SYF2: variants seen among roughly 807,000 people sequenced by gnomAD.
SYF2 encodes pre-mRNA-splicing factor SYF2.
Under a neutral mutation model 32.7 loss-of-function variants are expected in SYF2, and 21 were observed. That is an observed-to-expected ratio of 0.64 (90% confidence interval 0.45 to 0.92). SYF2 has a LOEUF of 0.92. SYF2 is among the 40% of genes least tolerant of loss of function. The pLI is 0.00. For synonymous variants in SYF2, 114 were observed against 103.9 expected, an observed-to-expected ratio of 1.10 and a Z score of -0.59; for missense variants, 278 against 296.5, an observed-to-expected ratio of 0.94 and a Z score of 0.46.
At chr1:25,232,301 G>A (rs1638650325) in intron 1 of SYF2, 90 bp from the exon 2 acceptor site, 1 of 1,581,244 alleles carries the variant, frequency 6.3e-7, no homozygotes, top group Non-Finnish European at 8.6e-7. Flanking sequence ...CCACAGGCTG[G>A]GCCTAGGGCC....
rs1039697503 is a variant in SYF2, at chr1:25,222,600, G to T, written c.*666C>A. On this transcript the variant is annotated 3_prime_UTR_variant, in exon 7 of 7. Transcript: ENST00000236273. ...TCCCATAATAAAATATTCTTTCAGT[G>T]TTTGTAGAATGGAAGCATGTATGTA... 1 of 152,136 alleles carries T rather than the reference G, an allele frequency of 6.6e-6. No individual in the cohort carries two copies. Among genetic ancestry groups the T allele is most frequent in the African/African-American group, 2.4e-5 (1 of 41,436 alleles). The allele number at this position is 152,136 out of a possible 1,614,324, so 9.4% of individuals were successfully genotyped here.
At chr1:25,223,724 G>A (rs993774359) in intron 6 of SYF2, among the ~76,000 whole-genome samples, 2 of 152,142 alleles carry the variant, frequency 1.3e-5, no homozygotes, top group Non-Finnish European at 2.9e-5. Context: ...CATGGCGGCT[G>A]TAATCCCATG....
chr1:25,223,720 G>A (rs897667900), intron 6 of SYF2, among the ~76,000 whole-genome samples: 1 of 152,184 alleles, frequency 6.6e-6, no homozygotes, highest in East Asian at 1.9e-4. Flanking sequence ...TGGGCATGGC[G>A]GCTGTAATCC....
intron 1 of SYF2, 23 bp downstream of exon 1, chr1:25,232,421 G>A (rs987111940): frequency 1.9e-6 from 3 of 1,614,138 alleles, no homozygotes; most frequent in Non-Finnish European, 2.5e-6. Context: ...CAAAACCCCC[G>A]GTGTACGGTG....
chr1:25,228,319 A>T, intron 3 of SYF2, 84 bp from the exon 4 acceptor site: 1 of 1,128,094 alleles, frequency 8.9e-7, no homozygotes, highest in South Asian at 1.3e-5. Flanking sequence ...GATCCAATAA[A>T]TATCAACCAA....
chr1:25,225,251 G>T, intron 5 of SYF2, 151 bp from the exon 6 acceptor site: 1 of 619,218 alleles, frequency 1.6e-6, no homozygotes, highest in South Asian at 1.9e-5. Context: ...ATACAGGCTG[G>T]GTGCAGTGGC....
intron 4 of SYF2, 130 bp from the exon 5 acceptor site, chr1:25,227,662 T>A: frequency 1.3e-6 from 1 of 777,502 alleles, no homozygotes; most frequent in Non-Finnish European, 2.0e-6. Flanking sequence ...GTGTTTCTGA[T>A]TTTTTTCAGA....
Position 25,223,262 on chromosome 1 carries a change from G to A in SYF2, c.*4C>T. 6.2e-7 allele frequency: 1 copy of A among 1,607,964 alleles called. No homozygotes were observed. The highest frequency in any genetic ancestry group is 8.5e-7 in the Non-Finnish European group (1 of 1,178,146). ...CAAGCTTCTATAAACAGTTCTTGAA[G>A]GGATTAGACAGCTGTTCCTCTTTCC... On this transcript the variant is annotated 3_prime_UTR_variant, in exon 7 of 7. Coordinates refer to ENST00000236273, the MANE Select transcript of SYF2 (RefSeq NM_015484.5).
intron 2 of SYF2, chr1:25,230,234 A>T (rs1352568030): frequency 6.6e-6 from 1 of 151,812 alleles, no homozygotes; most frequent in Non-Finnish European, 1.5e-5. Flanking sequence ...ATATTTTCAC[A>T]GTTTGCATTG....
intron 2 of SYF2, among the ~76,000 whole-genome samples, chr1:25,229,644 G>A (rs1557471241): frequency 6.6e-6 from 1 of 151,920 alleles, no homozygotes; most frequent in Non-Finnish European, 1.5e-5. Flanking sequence ...GCATGGTGGT[G>A]CACACCTGTA....
At chr1:25,229,749 T>G (rs1281034230) in intron 2 of SYF2, among the ~76,000 whole-genome samples, 1 of 146,956 alleles carries the variant, frequency 6.8e-6, no homozygotes, top group Non-Finnish European at 1.5e-5. Context: ...CACTACAGCC[T>G]GGGTGACAGA....
At position 25,232,488 on chromosome 1, in the gene SYF2, A is replaced by G. The variant is rs762264377; in HGVS notation, c.-21T>C. On this transcript the variant is annotated 5_prime_UTR_variant, in exon 1 of 7. Transcript: ENST00000236273. ...GCCATCACAACCTTTCTCTCTTCCCACTTCCGGCAACAAGATAGAGCACTT... is the reference window on the plus strand; with the variant it reads ...GCCATCACAACCTTTCTCTCTTCCCGCTTCCGGCAACAAGATAGAGCACTT... 2 of 1,613,988 alleles carry G rather than the reference A, an allele frequency of 1.2e-6. No individual in the cohort carries two copies. The highest frequency in any genetic ancestry group is 1.1e-5 in the South Asian group (1 of 91,086).
At position 25,232,171 on chromosome 1, in the gene SYF2, G is replaced by A; in HGVS notation, c.65C>T (p.Ala22Val). Residue 22 changes from alanine (A) to valine (V), a missense_variant, in exon 2 of 7, where the codon GCG (alanine) becomes GTG (valine). Physicochemically the swap from Ala to Val is moderately conservative, Grantham distance 64 (BLOSUM62 0). Transcript: ENST00000236273. ...DSAEEGSLAA[A>V]AELAAQKREQ... ...GCGCTTCTGAGCGGCCAGCTCCGCC[G>A]CCGCAGCGAGGGACCCCTCCTCCGC... 2 of 1,613,946 alleles carry A rather than the reference G, an allele frequency of 1.2e-6. No individual in the cohort carries two copies. The highest frequency in any genetic ancestry group is 2.2e-5 in the East Asian group (1 of 44,894).
rs1456528631 is a variant in SYF2 at position 25,232,153 on chromosome 1, T to G, written c.83A>C (p.Gln28Pro). The change falls in exon 2 of 7, where the codon CAG (glutamine) becomes CCG (proline). Residue 28 changes from glutamine (Q) to proline (P), a missense_variant. Gln to Pro is a moderately conservative substitution (Grantham distance 76). Coordinates refer to ENST00000236273, the MANE Select transcript of SYF2 (RefSeq NM_015484.5). ...SLAAAAELAAQKREQRLRKFR... is the reference protein window; with the variant it reads ...SLAAAAELAAPKREQRLRKFR... ...TTTGCGCAGTCTCTGTTCGCGCTTC[T>G]GAGCGGCCAGCTCCGCCGCCGCAGC... 2 of 1,613,970 alleles carry G rather than the reference T, an allele frequency of 1.2e-6. No homozygotes were observed. Among genetic ancestry groups the G allele is most frequent in the Non-Finnish European group, 1.7e-6 (2 of 1,180,006 alleles).
chr1:25,225,806 C>A (rs1168612643), intron 5 of SYF2, among the ~76,000 whole-genome samples: 22 of 150,522 alleles, frequency 1.5e-4, no homozygotes, highest in Non-Finnish European at 1.8e-4. Flanking sequence ...TGCAGTGAGC[C>A]GAGATCACGC....
chr1:25,230,754 G>A (rs1339779916), intron 2 of SYF2: 1 of 152,186 alleles, frequency 6.6e-6, no homozygotes, highest in Non-Finnish European at 1.5e-5. Context: ...TGACTGAGGG[G>A]AGGGTTAAGG....
chr1:25,225,835 G>A (rs1638499128), intron 5 of SYF2, among the ~76,000 whole-genome samples: 1 of 149,824 alleles, frequency 6.7e-6, no homozygotes, highest in Non-Finnish European at 1.5e-5. Context: ...TCTAGCCCAG[G>A]CGACAGTGCA....
intron 1 of SYF2, 28 bp downstream of exon 1, chr1:25,232,416 C>A: frequency 6.2e-7 from 1 of 1,614,164 alleles, no homozygotes; most frequent in Non-Finnish European, 8.5e-7. Flanking sequence ...ACCAACAAAA[C>A]CCCCGGTGTA....
At position 25,232,184 on chromosome 1, in the gene SYF2, A is replaced by AC; in HGVS notation, c.51dup (p.Ser18ValfsTer29). On this transcript the variant is annotated frameshift_variant, in exon 2 of 7. Coordinates refer to ENST00000236273, the MANE Select transcript of SYF2 (RefSeq NM_015484.5). LOFTEE classifies it high-confidence loss of function. ...GCCAGCTCCGCCGCCGCAGCGAGGG[A>AC]CCCCTCCTCCGCGCTGTCCACCAGC... 1 of 1,613,440 alleles carries AC rather than the reference A, an allele frequency of 6.2e-7. No homozygotes were observed. The highest frequency in any genetic ancestry group is 8.5e-7 in the Non-Finnish European group (1 of 1,179,904).
Sources: allele counts gnomAD v4.1 joint callset (sites outside exome capture counted in the v4.1 genomes callset), GRCh38; gene constraint gnomAD v4.1.1; transcripts MANE v1.5; gene names NCBI Gene and HGNC (gene_info 2026-07-23, HGNC 2026-07-21).